The following DSCAM variants were observed in gnomAD, a reference collection of about 807,000 sequenced individuals.
DSCAM encodes DS cell adhesion molecule, also known as cell adhesion molecule DSCAM.
DSCAM carries 47 observed loss-of-function variants against 217.7 expected under a neutral mutation model. The observed-to-expected ratio is 0.22, with a 90% CI of 0.17 to 0.28. The LOEUF (loss-of-function observed/expected upper bound fraction) is 0.28. Among genes scored for constraint, DSCAM ranks in the 10% least tolerant of loss-of-function variants. The probability of loss-of-function intolerance (pLI) is 1.00; values close to 1 mark genes in which losing one functional copy is unlikely to be tolerated. For synonymous variants in DSCAM, 1,056 were observed against 1,015.3 expected, an observed-to-expected ratio of 1.04 and a Z score of -0.76; for missense variants, 2,080 against 2,618.3, an observed-to-expected ratio of 0.79 and a Z score of 4.49.
chr21:40,724,679 G>A (rs1365216774), intron 1 of DSCAM, among the ~76,000 whole-genome samples: 1 of 152,130 alleles, frequency 6.6e-6, no homozygotes, highest in Admixed American at 6.5e-5. Context: ...GAGACTGACT[G>A]GTACCTCAGC....
chr21:40,014,763 T>C (rs1350741569), intron 32 of DSCAM, among the ~76,000 whole-genome samples: 1 of 152,228 alleles, frequency 6.6e-6, no homozygotes, highest in African/African-American at 2.4e-5. Context: ...AATAAATTCC[T>C]TGTGTGTCTA....
intron 32 of DSCAM, among the ~76,000 whole-genome samples, chr21:40,032,347 T>C (rs768763143): frequency 7.9e-5 from 12 of 152,180 alleles, no homozygotes; most frequent in Non-Finnish European, 1.6e-4. Context: ...AGAAGAATCA[T>C]AAGCCTCAAC....
chr21:40,194,959 A>C (rs1483033750), intron 11 of DSCAM, among the ~76,000 whole-genome samples: 1 of 152,208 alleles, frequency 6.6e-6, no homozygotes, highest in East Asian at 1.9e-4. Flanking sequence ...AATAATACTT[A>C]GGAGAGTGTT....
chr21:40,585,226 A>G (rs2076936132), intron 3 of DSCAM, among the ~76,000 whole-genome samples: 1 of 147,170 alleles, frequency 6.8e-6, no homozygotes, highest in South Asian at 2.1e-4. Context: ...ATTTCTTTAC[A>G]GCAATGTAAA....
chr21:40,744,960 A>G (rs2091159738), intron 1 of DSCAM, among the ~76,000 whole-genome samples: 1 of 152,212 alleles, frequency 6.6e-6, no homozygotes, highest in African/African-American at 2.4e-5. Flanking sequence ...AAATAGAAAC[A>G]CTTTTTAAAA....
intron 3 of DSCAM, among the ~76,000 whole-genome samples, chr21:40,514,071 T>C (rs1169821865): frequency 6.6e-6 from 1 of 152,130 alleles, no homozygotes. Flanking sequence ...ACAGACAACC[T>C]GGGCATGAAC....
intron 3 of DSCAM, among the ~76,000 whole-genome samples, chr21:40,569,111 G>C (rs1433423891): frequency 6.6e-6 from 1 of 152,208 alleles, no homozygotes; most frequent in African/African-American, 2.4e-5. Flanking sequence ...CCTACCCACT[G>C]TGCAGGAGAG....
chr21:40,615,288 A>AAC (rs1356556217), intron 3 of DSCAM: 6 of 151,260 alleles, frequency 4.0e-5, no homozygotes, highest in African/African-American at 1.5e-4. Context: ...TCTCAAAAAA[A>AAC]AAAAAAAAAA....
intron 20 of DSCAM, among the ~76,000 whole-genome samples, chr21:40,103,287 C>A (rs906853808): frequency 5.3e-5 from 8 of 151,714 alleles, no homozygotes; most frequent in Non-Finnish European, 8.8e-5. Flanking sequence ...ATTAAAAAAA[C>A]TTGAAGGCTG....
chr21:40,360,779 G>C (rs771241912), intron 4 of DSCAM, among the ~76,000 whole-genome samples: 2 of 152,164 alleles, frequency 1.3e-5, no homozygotes, highest in African/African-American at 4.8e-5. Context: ...GAACATACAA[G>C]TGCATATGTC....
At chr21:40,480,983 C>T (rs1485937638) in intron 3 of DSCAM, among the ~76,000 whole-genome samples, 4 of 152,188 alleles carry the variant, frequency 2.6e-5, no homozygotes, top group Admixed American at 2.0e-4. Context: ...CATGCTTTTG[C>T]CCTCTGGGCC....
chr21:40,017,246 C>A (rs1193004590), intron 32 of DSCAM, among the ~76,000 whole-genome samples: 2 of 152,000 alleles, frequency 1.3e-5, no homozygotes, highest in Non-Finnish European at 1.5e-5. Flanking sequence ...CCGCGAACAA[C>A]AGGAGCAATG....
intron 3 of DSCAM, among the ~76,000 whole-genome samples, chr21:40,421,354 C>G (rs1364531902): frequency 6.6e-6 from 1 of 152,226 alleles, no homozygotes; most frequent in Non-Finnish European, 1.5e-5. Context: ...CAAAGGGAAG[C>G]CTGACCTTCG....
intron 3 of DSCAM, among the ~76,000 whole-genome samples, chr21:40,495,918 G>C (rs1344921221): frequency 2.0e-5 from 3 of 152,016 alleles, no homozygotes; most frequent in Admixed American, 2.0e-4. Flanking sequence ...CAAGAAAATA[G>C]TCTCATTTTT....
At chr21:40,625,699 A>G (rs187975816) in intron 3 of DSCAM, among the ~76,000 whole-genome samples, 4 of 152,272 alleles carry the variant, frequency 2.6e-5, no homozygotes, top group Admixed American at 2.6e-4. Flanking sequence ...CTGCACCACG[A>G]CAGCTTATTC....
chr21:40,139,353 T>C (rs2090260737), intron 18 of DSCAM, among the ~76,000 whole-genome samples: 1 of 151,974 alleles, frequency 6.6e-6, no homozygotes, highest in African/African-American at 2.4e-5. Flanking sequence ...TCAATCAATA[T>C]AGGTAAGAAG....
intron 3 of DSCAM, among the ~76,000 whole-genome samples, chr21:40,534,535 A>T (rs993531500): frequency 1.3e-5 from 2 of 152,108 alleles, no homozygotes; most frequent in African/African-American, 4.8e-5. Flanking sequence ...CTTGATGTGG[A>T]CCTGGAGACT....
intron 9 of DSCAM, among the ~76,000 whole-genome samples, chr21:40,303,415 T>C (rs1008102821): frequency 1.3e-5 from 2 of 152,118 alleles, no homozygotes; most frequent in African/African-American, 4.8e-5. Context: ...GTCAAGTCTC[T>C]GCTCAAAGAT....
At chr21:40,323,093 G>A (rs956659199) in intron 8 of DSCAM, among the ~76,000 whole-genome samples, 4 of 152,082 alleles carry the variant, frequency 2.6e-5, no homozygotes, top group Non-Finnish European at 4.4e-5. Context: ...GAGCAATTCT[G>A]CCCAAACTCA....
Sources: allele counts gnomAD v4.1 joint callset (sites outside exome capture counted in the v4.1 genomes callset), GRCh38; gene constraint gnomAD v4.1.1; transcripts MANE v1.5; gene names NCBI Gene and HGNC (gene_info 2026-07-23, HGNC 2026-07-21).